Variants in VAV2 observed in about 807,000 individuals in gnomAD.
VAV2 encodes vav guanine nucleotide exchange factor 2.
Under a neutral mutation model 132.5 loss-of-function variants are expected in VAV2, and 67 were observed. The observed-to-expected ratio is 0.51, with a 90% confidence interval of 0.42 to 0.62. VAV2 has a LOEUF of 0.62. Among genes scored for constraint, VAV2 ranks in the 20% least tolerant of loss-of-function variants. The pLI is 0.00. For missense variants in VAV2, 938 were observed against 1,153.6 expected (o/e 0.81, Z 2.71); for synonymous variants, 492 against 443.5 (o/e 1.11, Z -1.37).
chr9:133,787,962 A>T (rs999888833), intron 15 of VAV2, among the ~76,000 whole-genome samples: 1 of 152,238 alleles, frequency 6.6e-6, no homozygotes, highest in East Asian at 1.9e-4. Context: ...ACGGGAGAGG[A>T]AAGCCTGCTT....
Position 133,797,019 on chromosome 9 carries a change from TC to T in VAV2, c.937-496del, listed in dbSNP as rs1232625382. 3.9e-5 allele frequency among the ~76,000 whole-genome samples: 6 copies of T among 152,304 alleles called. No individual in the cohort carries two copies. In the East Asian group the frequency reaches 1.2e-3, roughly 29 times the overall value. On this transcript the variant is annotated intron_variant, in intron 10 of 29. Coordinates refer to ENST00000371850, the MANE Select transcript of VAV2 (RefSeq NM_001134398.2). ...ATTCATTGACTGGACTTGGGGGGCATCGTGCATCTCTACTGGGGGGCCACGC... is the reference window on the plus strand; with the variant it reads ...ATTCATTGACTGGACTTGGGGGGCATGTGCATCTCTACTGGGGGGCCACGC...
rs773128563 is a variant in VAV2, at chr9:133,768,417, A to C, written c.2589+25T>G. 6.2e-7 allele frequency: 1 copy of C among 1,608,424 alleles called. No individual in the cohort carries two copies. Among genetic ancestry groups the C allele is most frequent in the South Asian group, 1.1e-5 (1 of 90,748 alleles). On this transcript the variant is annotated intron_variant, in intron 29 of 29. Transcript: ENST00000371850. The surrounding 1 kb of genome is among the most constrained non-coding windows in gnomAD (Gnocchi z 5.3). Reference sequence around the variant, plus strand: ...TAGGGGCTGCAGCGAGGCCAGCCCCACACCCTCAGGGTGGGGCCACTCACC... The same window carrying C: ...TAGGGGCTGCAGCGAGGCCAGCCCCCCACCCTCAGGGTGGGGCCACTCACC...
intron 2 of VAV2, among the ~76,000 whole-genome samples, chr9:133,897,288 G>A (rs559225623): frequency 1.5e-4 from 23 of 152,218 alleles, no homozygotes; most frequent in East Asian, 3.9e-4. Flanking sequence ...TGGCAGAGGC[G>A]TCCAGGCGGG....
intron 2 of VAV2, among the ~76,000 whole-genome samples, chr9:133,891,134 C>T (rs1015765557): frequency 2.7e-5 from 4 of 150,454 alleles, no homozygotes; most frequent in African/African-American, 9.8e-5. Flanking sequence ...TCAAGGTGCT[C>T]AGCAAGCAGA....
chr9:133,908,400 C>T (rs2132035400), intron 2 of VAV2, among the ~76,000 whole-genome samples: 1 of 152,240 alleles, frequency 6.6e-6, no homozygotes, highest in South Asian at 2.1e-4. Flanking sequence ...TGTCCTTCCC[C>T]AGTGGGGGCC....
chr9:133,779,040 T>G (rs1833914139), intron 21 of VAV2, 151 bp from the exon 22 acceptor site: 1 of 989,240 alleles, frequency 1.0e-6, no homozygotes, highest in African/African-American at 1.6e-5. Context: ...ATCCTTCCCA[T>G]AAGCCTCATG....
chr9:133,861,949 G>A (rs1837612364), intron 2 of VAV2, among the ~76,000 whole-genome samples: 1 of 152,242 alleles, frequency 6.6e-6, no homozygotes, highest in South Asian at 2.1e-4. Context: ...GGTGCTGCTT[G>A]CTTCCCTTCA....
At position 133,834,241 on chromosome 9, in the gene VAV2, C is replaced by G. The variant is rs1564390807; in HGVS notation, c.449+31G>C. The G allele has an allele frequency of 1.3e-6, 2 of 1,592,206 alleles. No individual in the cohort carries two copies. The highest frequency in any genetic ancestry group is 1.7e-6 in the Non-Finnish European group (2 of 1,167,926). On this transcript the variant is annotated intron_variant, in intron 4 of 29. Coordinates refer to ENST00000371850, the MANE Select transcript of VAV2 (RefSeq NM_001134398.2). This position sits in a 1 kb window ranked among gnomAD's most constrained non-coding sequence, Gnocchi z 5.9. The stretch of plus-strand genomic sequence containing the variant: ...AGGAACCTCCCTGCCCCTCCCTCCT[C>G]TCCATCCCTCCTCCCATCCCCCCGC...
intron 4 of VAV2, among the ~76,000 whole-genome samples, chr9:133,818,192 G>A (rs374493932): frequency 2.0e-5 from 3 of 151,804 alleles, no homozygotes; most frequent in East Asian, 1.9e-4. Flanking sequence ...ATGAAAACCC[G>A]TCTCTACTAA....
At chr9:133,905,853 G>A (rs554938203) in intron 2 of VAV2, among the ~76,000 whole-genome samples, 13 of 144,732 alleles carry the variant, frequency 9.0e-5, no homozygotes, top group East Asian at 2.1e-4. Flanking sequence ...CCTGGGTAAC[G>A]TGGCGAAACC....
intron 2 of VAV2, among the ~76,000 whole-genome samples, chr9:133,882,572 A>C (rs1329760573): frequency 1.3e-5 from 2 of 152,162 alleles, no homozygotes. Context: ...GGCCATGTGA[A>C]GTCAGATCCC....
At chr9:133,830,274 T>C (rs924756818) in intron 4 of VAV2, among the ~76,000 whole-genome samples, 7 of 152,136 alleles carry the variant, frequency 4.6e-5, no homozygotes, top group Non-Finnish European at 7.4e-5. Flanking sequence ...GCTCCAAATG[T>C]CCCTTCCTTC....
intron 3 of VAV2, among the ~76,000 whole-genome samples, chr9:133,856,435 GGGACCCCATGCTGGTATGTGCCCCC>G (rs1564409681): frequency 3.4e-5 from 5 of 146,382 alleles, no homozygotes; most frequent in African/African-American, 1.4e-4. Context: ...GCCCCCCACC[GGGACCCCATGCTGGTATGTGCCCCC>G]CACCGGGACC....
chr9:133,945,562 C>A (rs1447469271), intron 1 of VAV2, among the ~76,000 whole-genome samples: 1 of 152,248 alleles, frequency 6.6e-6, no homozygotes, highest in East Asian at 1.9e-4. Context: ...TGCCCCCAGC[C>A]TCTGGCAGGC....
At chr9:133,987,827 C>A (rs1842904023) in intron 1 of VAV2, among the ~76,000 whole-genome samples, 2 of 152,208 alleles carry the variant, frequency 1.3e-5, no homozygotes, top group African/African-American at 4.8e-5. Flanking sequence ...TTTAATTAAA[C>A]CCACGGGGCT....
intron 3 of VAV2, among the ~76,000 whole-genome samples, chr9:133,854,302 C>T (rs1403961244): frequency 6.6e-6 from 1 of 151,866 alleles, no homozygotes; most frequent in Non-Finnish European, 1.5e-5. Flanking sequence ...CACCCATGTG[C>T]ACCTGCACAC....
At chr9:133,895,155 C>A (rs1839147221) in intron 2 of VAV2, among the ~76,000 whole-genome samples, 1 of 152,152 alleles carries the variant, frequency 6.6e-6, no homozygotes, top group East Asian at 1.9e-4. Flanking sequence ...AGGGGCTCAA[C>A]TCCTACAGCA....
intron 2 of VAV2, among the ~76,000 whole-genome samples, chr9:133,938,444 T>C (rs1008522567): frequency 2.0e-5 from 3 of 152,132 alleles, no homozygotes; most frequent in Non-Finnish European, 4.4e-5. Context: ...ACCAATGAAC[T>C]ACAGCCTCCC....
At chr9:133,789,124 A>C in intron 14 of VAV2, 134 bp downstream of exon 14, 1 of 962,520 alleles carries the variant, frequency 1.0e-6, no homozygotes, top group Non-Finnish European at 1.6e-6. Context: ...AAAACTGAAC[A>C]ACACAAAGCC....
Sources: allele counts gnomAD v4.1 joint callset (sites outside exome capture counted in the v4.1 genomes callset), GRCh38; gene constraint gnomAD v4.1.1; non-coding constraint Gnocchi (gnomAD v3.1); transcripts MANE v1.5; gene names NCBI Gene and HGNC (gene_info 2026-07-23, HGNC 2026-07-21).